Variants in LATS2 observed in about 807,000 individuals in gnomAD.
The protein encoded by LATS2 is serine/threonine-protein kinase LATS2.
A neutral mutation model predicts 76.0 loss-of-function variants in LATS2; 24 were observed. The ratio of observed to expected loss-of-function variants is 0.32; its 90% CI spans 0.23 to 0.44. LATS2 has a LOEUF of 0.44. Among genes scored for constraint, LATS2 ranks in the 20% least tolerant of loss-of-function variants. LATS2 has a pLI of 1.00. For missense variants in LATS2, 1,286 were observed against 1,481.2 expected, an observed-to-expected ratio of 0.87 and a Z score of 2.16; for synonymous variants, 692 against 635.4, an observed-to-expected ratio of 1.09 and a Z score of -1.34.
At chr13:21,038,156 G>T (rs568403371) in intron 2 of LATS2, among the ~76,000 whole-genome samples, 2 of 151,984 alleles carry the variant, frequency 1.3e-5, no homozygotes, top group African/African-American at 4.8e-5. Flanking sequence ...TGCAGGGAAG[G>T]CCGGAGAAAG....
In LATS2 at chr13:21,059,732, G is replaced by A. The variant is rs1419933094; in HGVS notation, c.-205+1614C>T. ...TGTAATCCCAGCACTCTGGGAGACGGAGGCAGGTGGATCACCTGAGGTCAG... is the reference window on the plus strand; with the variant it reads ...TGTAATCCCAGCACTCTGGGAGACGAAGGCAGGTGGATCACCTGAGGTCAG... On this transcript the variant is annotated intron_variant, in intron 1 of 7. Coordinates refer to ENST00000382592, the MANE Select transcript of LATS2 (RefSeq NM_014572.3). 3.9e-5 allele frequency among the ~76,000 whole-genome samples: 6 copies of A among 152,204 alleles called. No individual in the cohort carries two copies. The East Asian group carries it at 5.8e-4, about 15-fold the overall frequency.
intron 4 of LATS2, 124 bp downstream of exon 4, chr13:20,987,755 GTC>G (rs1242748842): frequency 5.5e-6 from 6 of 1,095,924 alleles, no homozygotes; most frequent in African/African-American, 1.6e-5. Context: ...GAACCAGACT[GTC>G]GCCCATTAGC....
Position 21,046,083 on chromosome 13 carries a change from T to C in LATS2, c.-57A>G. 1.0e-6 allele frequency: 1 copy of C among 985,216 alleles called. No individual in the cohort carries two copies. Among genetic ancestry groups the C allele is most frequent in the Non-Finnish European group, 1.4e-6 (1 of 695,156 alleles). The allele number at this position is 985,216 out of a possible 1,614,324, so 61.0% of individuals were successfully genotyped here. ...AATCTTCTTAAAGTGTTTTATTATT[T>C]AAAAAAAAAAACTGTCAATAGTATC... is the stretch of plus-strand genomic sequence containing the variant. On this transcript the variant is annotated 5_prime_UTR_variant, in exon 2 of 8. Coordinates refer to ENST00000382592, the MANE Select transcript of LATS2 (RefSeq NM_014572.3).
At chr13:21,028,392 G>A (rs1872396606) in intron 2 of LATS2, among the ~76,000 whole-genome samples, 1 of 152,118 alleles carries the variant, frequency 6.6e-6, no homozygotes, top group South Asian at 2.1e-4. Flanking sequence ...ATAAACATAT[G>A]TGTGCATGTG....
At chr13:20,984,793 A>G (rs1470444736) in intron 4 of LATS2, among the ~76,000 whole-genome samples, 1 of 152,210 alleles carries the variant, frequency 6.6e-6, no homozygotes. Flanking sequence ...TCAAAATACC[A>G]ATGATATTTT....
chr13:21,016,204 C>T (rs1871792093), intron 2 of LATS2, among the ~76,000 whole-genome samples: 1 of 152,146 alleles, frequency 6.6e-6, no homozygotes, highest in African/African-American at 2.4e-5. Flanking sequence ...CCAGGCTGGT[C>T]TTGAACTCCT....
Position 20,989,322 on chromosome 13 carries a change from G to A in LATS2, c.476-18C>T. On this transcript the variant is annotated intron_variant, in intron 3 of 7. Coordinates refer to ENST00000382592, the MANE Select transcript of LATS2 (RefSeq NM_014572.3). ...CCCCTTTCCTGCAGTGGAAAAAACA[G>A]GAAGACAGCATCAGAGTGGGTGTGA... 1.2e-6 allele frequency: 2 copies of A among 1,613,220 alleles called. No homozygotes were observed. Among genetic ancestry groups the A allele is most frequent in the South Asian group, 1.1e-5 (1 of 91,088 alleles).
At position 20,973,348 on chromosome 13, in the gene LATS2, T is replaced by C. The variant is rs1302843816; in HGVS notation, c.*1522A>G. The C allele has an allele frequency of 8.6e-6, 2 of 231,252 alleles. No homozygotes were observed. The highest frequency in any genetic ancestry group is 1.7e-5 in the Non-Finnish European group (2 of 116,820). The allele number at this position is 231,252 out of a possible 1,614,324, so 14.3% of individuals were successfully genotyped here. ...GCCTAGATATATACTAAGTAATGGA[T>C]ACATTATGCTAAGAACTTCAAGGAA... On this transcript the variant is annotated 3_prime_UTR_variant, in exon 8 of 8. Coordinates refer to ENST00000382592, the MANE Select transcript of LATS2 (RefSeq NM_014572.3).
At chr13:20,984,603 G>C (rs189518662) in intron 4 of LATS2, among the ~76,000 whole-genome samples, 1 of 152,022 alleles carries the variant, frequency 6.6e-6, no homozygotes, top group Admixed American at 6.6e-5. Context: ...AAAAAATCTA[G>C]GAGTAAATTT....
At chr13:21,003,667 C>T (rs1871145209) in intron 2 of LATS2, among the ~76,000 whole-genome samples, 1 of 152,074 alleles carries the variant, frequency 6.6e-6, no homozygotes, top group Admixed American at 6.6e-5. Context: ...GTCTTGATCT[C>T]CTGATCTCAA....
rs1225953964 is a variant in LATS2 at position 21,053,183 on chromosome 13, C to T, written c.-204-6953G>A. On this transcript the variant is annotated intron_variant, in intron 1 of 7. Transcript: ENST00000382592. The stretch of plus-strand genomic sequence containing the variant: ...CCGGGAGGCGGAGGATGCAGTGAGC[C>T]GAGAACATGCCACTGCACTCCAGCT... Among the ~76,000 whole-genome samples, 6 of 141,220 alleles carry T rather than the reference C, an allele frequency of 4.2e-5. No homozygotes were observed. The Admixed American group carries it at 4.7e-4, about 11-fold the overall frequency. 92.6% of individuals were successfully genotyped at this position (141,220 alleles called of 152,430 possible).
Position 20,988,509 on chromosome 13 carries a change from G to A in LATS2, c.1271C>T (p.Pro424Leu). Residue 424 changes from proline to leucine, a missense_variant, in exon 4 of 8, where the codon CCC becomes CTC. By Grantham distance (98) the Pro-to-Leu change is moderately conservative (BLOSUM62 -3). Transcript: ENST00000382592. ...CACGGTGTTGGGGGCGGGCAGGGAG[G>A]GCTCGGCCTTGCCAGGCGGACCGGG... is the stretch of plus-strand genomic sequence containing the variant. ...PRPGPPGKAE[P>L]SLPAPNTVTA... The A allele has an allele frequency of 6.4e-7, 1 of 1,558,856 alleles. No homozygotes were observed. The highest frequency in any genetic ancestry group is 1.2e-5 in the South Asian group (1 of 86,038).
intron 2 of LATS2, among the ~76,000 whole-genome samples, chr13:20,996,377 ATTTT>A (rs34278498): frequency 4.2e-4 from 57 of 136,812 alleles, no homozygotes; most frequent in Admixed American, 4.5e-4. Flanking sequence ...GTGGTAGAAG[ATTTT>A]TTTTTTTTTT....
At chr13:20,994,369 A>C (rs1870649531) in intron 2 of LATS2, among the ~76,000 whole-genome samples, 1 of 152,272 alleles carries the variant, frequency 6.6e-6, no homozygotes, top group African/African-American at 2.4e-5. Context: ...GCTACTGTAC[A>C]TATACATAGA....
chr13:21,030,723 G>A (rs113217991), intron 2 of LATS2, among the ~76,000 whole-genome samples: 1 of 150,762 alleles, frequency 6.6e-6, no homozygotes, highest in Non-Finnish European at 1.5e-5. Flanking sequence ...ATAAAGTATT[G>A]TTTTTACTTT....
chr13:21,052,309 C>A (rs984052322), intron 1 of LATS2, among the ~76,000 whole-genome samples: 1 of 152,182 alleles, frequency 6.6e-6, no homozygotes, highest in Non-Finnish European at 1.5e-5. Context: ...AATTACCAAA[C>A]TGAACACAGA....
chr13:21,019,692 G>T (rs1405862543), intron 2 of LATS2, among the ~76,000 whole-genome samples: 1 of 145,240 alleles, frequency 6.9e-6, no homozygotes, highest in Non-Finnish European at 1.5e-5. Flanking sequence ...AAAAAAAGGC[G>T]GCTGGGCGTG....
chr13:21,011,654 T>C (rs1871596305), intron 2 of LATS2, among the ~76,000 whole-genome samples: 1 of 151,974 alleles, frequency 6.6e-6, no homozygotes, highest in African/African-American at 2.4e-5. Context: ...TTCCTGACTC[T>C]GGAAAATATA....
chr13:20,986,949 T>TG (rs1488293767), intron 4 of LATS2, among the ~76,000 whole-genome samples: 2 of 152,168 alleles, frequency 1.3e-5, no homozygotes, highest in Admixed American at 1.3e-4. Flanking sequence ...TTCCAGCACT[T>TG]GGGGAGGCCG....
Sources: gnomAD v4.1 joint callset for allele counts (sites outside exome capture counted in the v4.1 genomes callset) on GRCh38, gnomAD v4.1.1 for gene constraint, MANE v1.5 for transcripts, NCBI Gene and HGNC (gene_info 2026-07-23, HGNC 2026-07-21) for gene names.